The following HOPX variants were observed in gnomAD, a reference collection of about 807,000 sequenced individuals.
The protein encoded by HOPX is homeodomain-only protein.
Under a neutral mutation model 11.8 loss-of-function variants are expected in HOPX, and 5 were observed. The observed-to-expected ratio is 0.43, with a 90% CI of 0.22 to 0.89. HOPX has a LOEUF of 0.89. HOPX is among the 40% of genes least tolerant of loss of function. The pLI is 0.28. For missense variants in HOPX, 119 were observed against 120.0 expected (o/e 0.99, Z 0.04); for synonymous variants, 49 against 49.7 (o/e 0.99, Z 0.06).
intron 3 of HOPX, among the ~76,000 whole-genome samples, chr4:56,652,792 C>T (rs892423499): frequency 6.6e-6 from 1 of 151,440 alleles, no homozygotes; most frequent in Non-Finnish European, 1.5e-5. Flanking sequence ...TGTACTCCAG[C>T]CTGAATGACA....
At chr4:56,666,937 T>G (rs902135294) in intron 1 of HOPX, among the ~76,000 whole-genome samples, 1 of 152,190 alleles carries the variant, frequency 6.6e-6, no homozygotes, top group African/African-American at 2.4e-5. Context: ...ATAATCCTAT[T>G]GAAATATCCT....
chr4:56,655,063 G>C (rs1397550900), intron 3 of HOPX, among the ~76,000 whole-genome samples: 1 of 152,142 alleles, frequency 6.6e-6, no homozygotes, highest in African/African-American at 2.4e-5. Context: ...TCTTTACCTG[G>C]CACTTTTCGG....
chr4:56,656,727 C>T (rs565914754), intron 2 of HOPX, among the ~76,000 whole-genome samples: 3 of 152,356 alleles, frequency 2.0e-5, no homozygotes, highest in Non-Finnish European at 4.4e-5. Flanking sequence ...GGAGAAACTT[C>T]CACCTGTGGG....
At chr4:56,654,344 C>T (rs1280954664) in intron 3 of HOPX, among the ~76,000 whole-genome samples, 1 of 152,192 alleles carries the variant, frequency 6.6e-6, no homozygotes, top group Admixed American at 6.5e-5. Context: ...GGCAACTCGC[C>T]AGGCACAATC....
chr4:56,651,801 C>T (rs190051032), intron 3 of HOPX, among the ~76,000 whole-genome samples: 4 of 151,516 alleles, frequency 2.6e-5, no homozygotes, highest in Admixed American at 2.6e-4. Flanking sequence ...TGGAGACCTC[C>T]CTAAGAACCA....
intron 1 of HOPX, chr4:56,679,364 A>G (rs774277804): frequency 6.6e-6 from 1 of 152,248 alleles, no homozygotes; most frequent in Admixed American, 6.5e-5. Context: ...GGTCACAGTC[A>G]CAATAATGAA....
chr4:56,676,060 G>A (rs1719001126), intron 1 of HOPX, among the ~76,000 whole-genome samples: 1 of 151,676 alleles, frequency 6.6e-6, no homozygotes, highest in African/African-American at 2.4e-5. Flanking sequence ...ATTTTGGGAG[G>A]CCAAGGTGGA....
chr4:56,654,941 G>T (rs1717535287), intron 3 of HOPX, among the ~76,000 whole-genome samples: 1 of 152,188 alleles, frequency 6.6e-6, no homozygotes, highest in Non-Finnish European at 1.5e-5. Flanking sequence ...CAAAAGGATT[G>T]TCTTTCCATG....
At position 56,670,912 on chromosome 4, in the gene HOPX, G is replaced by A. The variant is rs571648041; in HGVS notation, c.-84+10343C>T. On this transcript the variant is annotated intron_variant, in intron 1 of 3. Transcript: ENST00000420433. ...CTCGGGAGGCTGAGGTAGGAGAATCGCTTGAACCCGGGAGGCGGAGGTTGC... is the reference window on the plus strand; with the variant it reads ...CTCGGGAGGCTGAGGTAGGAGAATCACTTGAACCCGGGAGGCGGAGGTTGC... 2.5e-3 allele frequency among the ~76,000 whole-genome samples: 379 copies of A among 151,802 alleles called. 2 individuals are homozygous for A. Among genetic ancestry groups the A allele is most frequent in the Middle Eastern group, 0.01 (3 of 294 alleles).
rs1394505298 is a variant in HOPX at position 56,648,197 on chromosome 4, T to C, written c.*523A>G. ...CCCAACAGGCTTCTTTCCAAGTTAA[T>C]GCAGCTATATTCCAAGGAAGTGTTT... On this transcript the variant is annotated 3_prime_UTR_variant, in exon 4 of 4. Coordinates refer to ENST00000420433, the MANE Select transcript of HOPX (RefSeq NM_032495.6). 2 of 152,250 alleles carry C rather than the reference T, an allele frequency of 1.3e-5. No homozygotes were observed. The highest frequency in any genetic ancestry group is 2.9e-5 in the Non-Finnish European group (2 of 68,072). 9.4% of individuals were successfully genotyped at this position (152,250 alleles called of 1,614,324 possible).
At chr4:56,670,237 G>A (rs1169081695) in intron 1 of HOPX, among the ~76,000 whole-genome samples, 2 of 152,158 alleles carry the variant, frequency 1.3e-5, no homozygotes, top group Non-Finnish European at 2.9e-5. Flanking sequence ...CACGCACTCA[G>A]GGCTTTTCAA....
chr4:56,656,889 C>T (rs752165684), intron 2 of HOPX, among the ~76,000 whole-genome samples: 2 of 152,246 alleles, frequency 1.3e-5, no homozygotes, highest in Non-Finnish European at 2.9e-5. Flanking sequence ...GTGTGCTCCC[C>T]GAGGGGAGGA....
At chr4:56,649,504 T>C (rs370339030) in intron 3 of HOPX, 1 of 152,316 alleles carries the variant, frequency 6.6e-6, no homozygotes, top group African/African-American at 2.4e-5. Context: ...TCCTTGGGGA[T>C]GCATGGAGTA....
At chr4:56,669,349 ATCATATAATTTG>A (rs1718607985) in intron 1 of HOPX, among the ~76,000 whole-genome samples, 1 of 152,154 alleles carries the variant, frequency 6.6e-6, no homozygotes, top group South Asian at 2.1e-4. Context: ...AGTTAATGTG[ATCATATAATTTG>A]TCACCTAACC....
At chr4:56,655,139 G>C (rs868001589) in intron 3 of HOPX, among the ~76,000 whole-genome samples, 1 of 152,178 alleles carries the variant, frequency 6.6e-6, no homozygotes, top group Admixed American at 6.5e-5. Flanking sequence ...ATCGGCTGCC[G>C]CTGCCGTCAG....
intron 1 of HOPX, among the ~76,000 whole-genome samples, chr4:56,660,585 A>G (rs1201207349): frequency 6.6e-6 from 1 of 152,138 alleles, no homozygotes; most frequent in Non-Finnish European, 1.5e-5. Context: ...TTCCCCCTAT[A>G]TAACAATGTC....
At chr4:56,674,874 A>C (rs935021212) in intron 1 of HOPX, among the ~76,000 whole-genome samples, 1 of 150,446 alleles carries the variant, frequency 6.6e-6, no homozygotes, top group Non-Finnish European at 1.5e-5. Context: ...CAGTCTCCCA[A>C]GTAGCTAAAA....
intron 1 of HOPX, among the ~76,000 whole-genome samples, chr4:56,658,547 T>C (rs1717921777): frequency 6.6e-6 from 1 of 152,250 alleles, no homozygotes; most frequent in Admixed American, 6.5e-5. Flanking sequence ...GTTATTTCTC[T>C]GCAAAGCTCT....
At chr4:56,655,665 A>G (rs1008893422) in intron 3 of HOPX, among the ~76,000 whole-genome samples, 192 bp downstream of exon 3, 2 of 152,040 alleles carry the variant, frequency 1.3e-5, no homozygotes, top group Non-Finnish European at 2.9e-5. Flanking sequence ...CCGGGCGCCC[A>G]TGGGAGCGGG....
Sources: gnomAD v4.1 joint callset for allele counts (sites outside exome capture counted in the v4.1 genomes callset) on GRCh38, gnomAD v4.1.1 for gene constraint, MANE v1.5 for transcripts, NCBI Gene and HGNC (gene_info 2026-07-23, HGNC 2026-07-21) for gene names.